Variants in SELENOI observed in about 807,000 individuals in gnomAD.
SELENOI encodes selenoprotein I, also known as ethanolaminephosphotransferase 1.
Under a neutral mutation model 50.7 loss-of-function variants are expected in SELENOI, and 24 were observed. The ratio of observed to expected loss-of-function variants is 0.47; its 90% CI spans 0.34 to 0.67. The LOEUF (loss-of-function observed/expected upper bound fraction) is 0.67, where lower values mean the gene tolerates loss of function less well. Ranked by LOEUF, SELENOI falls within the 30% of genes least tolerant of loss-of-function variation. The pLI, the probability that SELENOI is intolerant of heterozygous loss-of-function variation, is 0.01. For synonymous variants in SELENOI, 155 were observed against 170.2 expected (o/e 0.91, Z 0.70); for missense variants, 352 against 461.4 (o/e 0.76, Z 2.17).
chr2:26,356,014 T>A (rs1677056795), intron 1 of SELENOI, among the ~76,000 whole-genome samples: 2 of 152,216 alleles, frequency 1.3e-5, no homozygotes, highest in African/African-American at 4.8e-5. Flanking sequence ...AGTGCTGGCA[T>A]TATTGGCGTG....
intron 1 of SELENOI, among the ~76,000 whole-genome samples, chr2:26,353,994 GA>G (rs1207679569): frequency 6.6e-6 from 1 of 152,200 alleles, no homozygotes; most frequent in Non-Finnish European, 1.5e-5. Context: ...GAAGCACAAG[GA>G]AGTGGCGGGT....
intron 8 of SELENOI, 73 bp from the exon 9 acceptor site, chr2:26,386,281 G>A (rs1677840311): frequency 7.2e-7 from 1 of 1,391,350 alleles, no homozygotes. Flanking sequence ...ATGTTGGAAA[G>A]ACTAGTTTTG....
At chr2:26,363,749 C>T (rs1236910732) in intron 1 of SELENOI, among the ~76,000 whole-genome samples, 1 of 152,004 alleles carries the variant, frequency 6.6e-6, no homozygotes, top group East Asian at 1.9e-4. Context: ...GGTGTATTCT[C>T]CAGGTTATTT....
chr2:26,346,345 G>T, intron 1 of SELENOI, 56 bp downstream of exon 1: 3 of 1,560,010 alleles, frequency 1.9e-6, no homozygotes, highest in Non-Finnish European at 2.6e-6. Context: ...CCAGGCGGCT[G>T]AGGGGCCCGC....
chr2:26,362,260 G>A (rs1159974456), intron 1 of SELENOI, among the ~76,000 whole-genome samples: 2 of 151,896 alleles, frequency 1.3e-5, no homozygotes, highest in Non-Finnish European at 2.9e-5. Flanking sequence ...TAGTAGAGAC[G>A]GGGTTTCACC....
intron 1 of SELENOI, among the ~76,000 whole-genome samples, chr2:26,349,656 G>A (rs1013984763): frequency 5.9e-5 from 8 of 134,656 alleles, no homozygotes; most frequent in Non-Finnish European, 9.3e-5. Context: ...ATCTAAGGGT[G>A]AAACTGCAAG....
chr2:26,364,450 G>A (rs1677245863), intron 2 of SELENOI, 80 bp downstream of exon 2: 2 of 892,302 alleles, frequency 2.2e-6, no homozygotes, highest in Middle Eastern at 3.3e-4. Context: ...TATTATAAAT[G>A]CAACTCTCAG....
At chr2:26,363,175 GT>G (rs1438771771) in intron 1 of SELENOI, among the ~76,000 whole-genome samples, 1 of 152,170 alleles carries the variant, frequency 6.6e-6, no homozygotes, top group African/African-American at 2.4e-5. Context: ...TAAAACATAT[GT>G]AATTATAATA....
At chr2:26,380,264 T>C (rs1677657953) in intron 6 of SELENOI, among the ~76,000 whole-genome samples, 1 of 152,242 alleles carries the variant, frequency 6.6e-6, no homozygotes, top group Admixed American at 6.5e-5. Context: ...TTCTTAGTTT[T>C]TAATTTTATG....
intron 6 of SELENOI, among the ~76,000 whole-genome samples, chr2:26,382,085 A>T (rs1016641635): frequency 6.6e-6 from 1 of 152,232 alleles, no homozygotes; most frequent in Non-Finnish European, 1.5e-5. Context: ...AATTTTAAAG[A>T]TGTAAGGGAC....
At chr2:26,377,066 T>C (rs1185535631) in intron 6 of SELENOI, among the ~76,000 whole-genome samples, 1 of 152,224 alleles carries the variant, frequency 6.6e-6, no homozygotes, top group Non-Finnish European at 1.5e-5. Flanking sequence ...TGACTGAATG[T>C]GTGAAGTTTT....
intron 7 of SELENOI, among the ~76,000 whole-genome samples, chr2:26,384,754 G>A (rs1677803023): frequency 6.6e-6 from 1 of 152,090 alleles, no homozygotes; most frequent in African/African-American, 2.4e-5. Context: ...CCTGCCACTT[G>A]GTACCAAGTT....
At chr2:26,381,894 G>A (rs2147961060) in intron 6 of SELENOI, among the ~76,000 whole-genome samples, 1 of 152,306 alleles carries the variant, frequency 6.6e-6, no homozygotes, top group East Asian at 1.9e-4. Flanking sequence ...GGCCATAGCT[G>A]CATTGACCCT....
At chr2:26,383,606 C>T (rs1399245966) in intron 7 of SELENOI, among the ~76,000 whole-genome samples, 7 of 152,056 alleles carry the variant, frequency 4.6e-5, no homozygotes, top group Non-Finnish European at 7.4e-5. Flanking sequence ...AGGCCAGGCG[C>T]GGTGGCTCAC....
At chr2:26,386,256 T>A (rs570428267) in intron 8 of SELENOI, 98 bp from the exon 9 acceptor site, 1 of 1,204,948 alleles carries the variant, frequency 8.3e-7, no homozygotes, top group African/African-American at 1.5e-5. Flanking sequence ...GTTCAGGTAC[T>A]TGAATGCTTT....
At position 26,386,045 on chromosome 2, in the gene SELENOI, G is replaced by A. The variant is rs118004184; in HGVS notation, c.913-309G>A. ...TGATTTTTTTTTTTAACATATCGTA[G>A]AATCTTAAAATTGAGAGAAATTTCT... On this transcript the variant is annotated intron_variant, in intron 8 of 9. Transcript: ENST00000260585. 5.1e-3 allele frequency among the ~76,000 whole-genome samples: 778 copies of A among 152,018 alleles called. 28 individuals are homozygous for A. In the South Asian group the frequency reaches 0.079, roughly 15 times the overall value.
rs780551569 is a variant in SELENOI, at chr2:26,375,058, A to C, written c.592A>C (p.Ile198Leu). ...ISQVTISFVY[I>L]VTAVVGVEAW... is the part of the protein sequence containing the mutation. Reference sequence around the variant, plus strand: ...CTTCCAGACTATTTCTTTTGTCTACATAGTGACTGCAGTTGTGGGAGTTGA... The same window carrying C: ...CTTCCAGACTATTTCTTTTGTCTACCTAGTGACTGCAGTTGTGGGAGTTGA... The change falls in exon 6 of 10, where the codon ATA becomes CTA. Residue 198 changes from isoleucine to leucine, a missense_variant. Ile to Leu is a conservative substitution (Grantham distance 5, BLOSUM62 2). Coordinates refer to ENST00000260585, the MANE Select transcript of SELENOI (RefSeq NM_033505.4). 57 of 1,612,804 alleles carry C rather than the reference A, an allele frequency of 3.5e-5. No homozygotes were observed. The highest frequency in any genetic ancestry group is 4.8e-5 in the Non-Finnish European group (57 of 1,179,008).
chr2:26,361,974 T>C (rs1677188446), intron 1 of SELENOI, among the ~76,000 whole-genome samples: 1 of 152,180 alleles, frequency 6.6e-6, no homozygotes. Flanking sequence ...CATCATTTCT[T>C]ACTACTGTCT....
chr2:26,364,976 T>C (rs1366164793), intron 3 of SELENOI, 36 bp downstream of exon 3: 4 of 1,414,756 alleles, frequency 2.8e-6, no homozygotes, highest in East Asian at 2.4e-5. Flanking sequence ...TTTAACTGAG[T>C]AGAAAAAAAT....
Sources: allele counts gnomAD v4.1 joint callset (sites outside exome capture counted in the v4.1 genomes callset), GRCh38; gene constraint gnomAD v4.1.1; transcripts MANE v1.5; gene names NCBI Gene and HGNC (gene_info 2026-07-23, HGNC 2026-07-21).